TMTC3: variants seen among roughly 807,000 people sequenced by gnomAD.
The protein encoded by TMTC3 is protein O-mannosyl-transferase TMTC3.
In TMTC3, 52 loss-of-function variants were observed where a neutral mutation model predicts 92.2. That is an observed-to-expected ratio of 0.56 (90% CI 0.45 to 0.71). TMTC3 has a LOEUF of 0.71. Ranked by LOEUF, TMTC3 falls within the 30% of genes least tolerant of loss-of-function variation. The pLI, the probability that TMTC3 is intolerant of heterozygous loss-of-function variation, is 0.00. For synonymous variants in TMTC3, 339 were observed against 363.3 expected, an observed-to-expected ratio of 0.93 and a Z score of 0.76; for missense variants, 896 against 1,057.1, an observed-to-expected ratio of 0.85 and a Z score of 2.11.
At chr12:88,148,241 T>C (rs1346366205) in intron 1 of TMTC3, 47 bp from the exon 2 acceptor site, 27 of 1,280,934 alleles carry the variant, frequency 2.1e-5, no homozygotes, top group Non-Finnish European at 2.5e-5. Flanking sequence ...TTGAACTTAC[T>C]TGGAATAAAT....
At chr12:88,178,052 T>G (rs2041278768) in intron 10 of TMTC3, among the ~76,000 whole-genome samples, 1 of 151,908 alleles carries the variant, frequency 6.6e-6, no homozygotes, top group Non-Finnish European at 1.5e-5. Context: ...CAGACATGAG[T>G]ATGGTAAAAA....
intron 7 of TMTC3, 29 bp from the exon 8 acceptor site, chr12:88,172,568 A>T (rs552825830): frequency 4.0e-6 from 5 of 1,235,480 alleles, no homozygotes; most frequent in Non-Finnish European, 5.3e-6. Flanking sequence ...TTTATTATAA[A>T]TTATTAAATC....
chr12:88,165,862 A>G (rs944520756), intron 6 of TMTC3, among the ~76,000 whole-genome samples: 1 of 152,036 alleles, frequency 6.6e-6, no homozygotes, highest in African/African-American at 2.4e-5. Context: ...AAATATACGA[A>G]TTTTTTCCAG....
intron 7 of TMTC3, among the ~76,000 whole-genome samples, chr12:88,167,786 A>T (rs1317204724): frequency 2.6e-5 from 4 of 152,216 alleles, no homozygotes; most frequent in Non-Finnish European, 5.9e-5. Flanking sequence ...TTTGAACAGC[A>T]CTTTATGTCT....
At position 88,153,304 on chromosome 12, in the gene TMTC3, A is replaced by ATG; in HGVS notation, c.203_204insTG (p.Lys68AsnfsTer7). ...TTTTCCTTGTAGGAGAGAAGCCACA[A>ATG]GTCTTACCGTCCCTTAACAGTATTG... On this transcript the variant is annotated frameshift_variant, in exon 3 of 14. Coordinates refer to ENST00000266712, the MANE Select transcript of TMTC3 (RefSeq NM_181783.4). LOFTEE classifies it high-confidence loss of function. 1 of 1,610,356 alleles carries ATG rather than the reference A, an allele frequency of 6.2e-7. No homozygotes were observed. The highest frequency in any genetic ancestry group is 8.5e-7 in the Non-Finnish European group (1 of 1,178,458).
intron 10 of TMTC3, among the ~76,000 whole-genome samples, chr12:88,178,438 A>G (rs201928230): frequency 1.1e-4 from 17 of 152,018 alleles, no homozygotes; most frequent in Middle Eastern, 3.4e-3. Flanking sequence ...AACTCTTCCT[A>G]TCTTTCCAGC....
intron 10 of TMTC3, among the ~76,000 whole-genome samples, chr12:88,180,800 C>A (rs1023601145): frequency 6.6e-6 from 1 of 152,170 alleles, no homozygotes; most frequent in Non-Finnish European, 1.5e-5. Context: ...CCCATGTCAA[C>A]AAATCATTTG....
At chr12:88,155,038 T>G (rs1320908055) in intron 4 of TMTC3, among the ~76,000 whole-genome samples, 1 of 152,270 alleles carries the variant, frequency 6.6e-6, no homozygotes, top group Non-Finnish European at 1.5e-5. Context: ...ACTAGTTTTA[T>G]GTGTGGAAAC....
intron 7 of TMTC3, among the ~76,000 whole-genome samples, chr12:88,169,958 G>GA (rs2041186815): frequency 2.7e-5 from 4 of 150,462 alleles, no homozygotes; most frequent in Non-Finnish European, 4.4e-5. Context: ...AAAGGAAGAA[G>GA]AAAAAAAGAA....
rs548944282 is a variant in TMTC3 at position 88,185,483 on chromosome 12, C to T, written c.1433-3360C>T. On this transcript the variant is annotated intron_variant, in intron 10 of 13. Coordinates refer to ENST00000266712, the MANE Select transcript of TMTC3 (RefSeq NM_181783.4). ...ATACCACAGTTTGTTTATCCATTTA[C>T]CTGTTGATGGATGTTTGGATTGTTC... 2.5e-3 allele frequency among the ~76,000 whole-genome samples: 382 copies of T among 152,066 alleles called. 2 individuals carry two copies. Among genetic ancestry groups the T allele is most frequent in the African/African-American group, 9.0e-3 (375 of 41,490 alleles).
chr12:88,148,125 T>C (rs1260889176), intron 1 of TMTC3, among the ~76,000 whole-genome samples, 163 bp from the exon 2 acceptor site: 1 of 152,150 alleles, frequency 6.6e-6, no homozygotes, highest in African/African-American at 2.4e-5. Flanking sequence ...GAGATGGGGC[T>C]GAGTTTCAAC....
chr12:88,195,163 A>C lies in TMTC3; in HGVS notation c.2259A>C (p.Ile753=). Residue 753 remains isoleucine (I), a synonymous_variant, in exon 14 of 14, where the codon ATA becomes ATC. Transcript: ENST00000266712. The part of the protein sequence containing the change: ...GDILMNQKKD[I]LGAKKCFERI... ...TTCTGATGAATCAAAAGAAAGATAT[A>C]CTAGGAGCAAAAAAATGTTTTGAAA... The C allele has an allele frequency of 6.2e-7, 1 of 1,613,880 alleles. No individual in the cohort carries two copies. Among genetic ancestry groups the C allele is most frequent in the Non-Finnish European group, 8.5e-7 (1 of 1,179,940 alleles).
At chr12:88,156,524 A>G (rs1369185671) in intron 4 of TMTC3, among the ~76,000 whole-genome samples, 3 of 152,076 alleles carry the variant, frequency 2.0e-5, no homozygotes, top group African/African-American at 7.2e-5. Flanking sequence ...CCTAGGAGTG[A>G]TTGGTTGGTT....
At chr12:88,189,721 G>A (rs1380768097) in intron 11 of TMTC3, among the ~76,000 whole-genome samples, 5 of 152,160 alleles carry the variant, frequency 3.3e-5, no homozygotes, top group East Asian at 3.9e-4. Flanking sequence ...GGTTGTGACC[G>A]TAGGATAGTT....
intron 8 of TMTC3, among the ~76,000 whole-genome samples, chr12:88,174,022 A>G (rs1179889607): frequency 5.3e-5 from 8 of 152,158 alleles, no homozygotes; most frequent in Non-Finnish European, 1.2e-4. Flanking sequence ...GACTATTAAT[A>G]CTAAACAAGA....
intron 11 of TMTC3, 109 bp downstream of exon 11, chr12:88,189,055 G>T: frequency 3.1e-6 from 2 of 642,718 alleles, no homozygotes; most frequent in Non-Finnish European, 5.3e-6. Context: ...TGATATAAAA[G>T]TAAGTTTTAT....
Position 88,192,658 on chromosome 12 carries a change from T to G in TMTC3, c.1761T>G (p.Leu587=). The G allele has an allele frequency of 6.2e-7, 1 of 1,612,962 alleles. No individual in the cohort carries two copies. Residue 587 remains leucine, a synonymous_variant, in exon 13 of 14, where the codon CTT becomes CTG. Transcript: ENST00000266712. ...NKPLKAKEAY[L]KALELDRNNA... ...CTCTTAAAGCAAAGGAAGCATATCT[T>G]AAAGCACTAGAGCTGGACAGAAATA...
intron 11 of TMTC3, 139 bp downstream of exon 11, chr12:88,189,085 GCTTA>G (rs2041410993): frequency 5.2e-6 from 3 of 571,672 alleles, no homozygotes; most frequent in South Asian, 2.4e-5. Flanking sequence ...CATTTTTCTA[GCTTA>G]CTTAATTTTT....
rs777871373 is a variant in TMTC3 at position 88,192,728 on chromosome 12, A to C, written c.1831A>C (p.Lys611Gln). The C allele has an allele frequency of 6.2e-7, 1 of 1,613,560 alleles. No homozygotes were observed. Among genetic ancestry groups the C allele is most frequent in the Non-Finnish European group, 8.5e-7 (1 of 1,179,684 alleles). The change falls in exon 13 of 14, where the codon AAA (lysine) becomes CAA (glutamine). Residue 611 changes from lysine to glutamine, a missense_variant. Coordinates refer to ENST00000266712, the MANE Select transcript of TMTC3 (RefSeq NM_181783.4). ...CTTGGCAATTGTACATATTGAACTTAAAGAACCAAATGAAGCCCTAAAAAA... is the reference window on the plus strand; with the variant it reads ...CTTGGCAATTGTACATATTGAACTTCAAGAACCAAATGAAGCCCTAAAAAA... ...YNLAIVHIEL[K>Q]EPNEALKNFN... is the part of the protein sequence containing the mutation.
Sources: allele counts gnomAD v4.1 joint callset (sites outside exome capture counted in the v4.1 genomes callset), GRCh38; gene constraint gnomAD v4.1.1; transcripts MANE v1.5; gene names NCBI Gene and HGNC (gene_info 2026-07-23, HGNC 2026-07-21).